CAMK1D: variants seen among roughly 807,000 people sequenced by gnomAD.
The protein encoded by CAMK1D is calcium/calmodulin dependent protein kinase ID, also known as calcium/calmodulin-dependent protein kinase type 1D.
A neutral mutation model predicts 47.7 loss-of-function variants in CAMK1D; 9 were observed. That is an observed-to-expected ratio of 0.19 (90% confidence interval 0.11 to 0.33). CAMK1D has a LOEUF of 0.33. Among genes scored for constraint, CAMK1D ranks in the 10% least tolerant of loss-of-function variants. The probability of loss-of-function intolerance (pLI) is 1.00; values close to 1 mark genes in which losing one functional copy is unlikely to be tolerated. For missense variants in CAMK1D, 291 were observed against 488.7 expected (o/e 0.60, Z 3.81); for synonymous variants, 184 against 184.9 (o/e 0.99, Z 0.04).
chr10:12,815,706 T>A (rs1487582258), intron 7 of CAMK1D, among the ~76,000 whole-genome samples: 1 of 152,232 alleles, frequency 6.6e-6, no homozygotes, highest in Admixed American at 6.5e-5. Context: ...ACTCCCCCAC[T>A]TCCCCCAGCA....
intron 1 of CAMK1D, among the ~76,000 whole-genome samples, chr10:12,459,059 A>C (rs1449235474): frequency 6.6e-6 from 1 of 151,750 alleles, no homozygotes; most frequent in Non-Finnish European, 1.5e-5. Flanking sequence ...TTGTATTTTT[A>C]GTAGAGACGG....
intron 3 of CAMK1D, among the ~76,000 whole-genome samples, chr10:12,679,856 T>C (rs1387421874): frequency 6.6e-6 from 1 of 152,128 alleles, no homozygotes; most frequent in African/African-American, 2.4e-5. Context: ...TTCTCCATCA[T>C]CCTCTCCTCA....
intron 1 of CAMK1D, among the ~76,000 whole-genome samples, chr10:12,425,344 C>T (rs1184852955): frequency 6.7e-6 from 1 of 149,728 alleles, no homozygotes; most frequent in Non-Finnish European, 1.5e-5. Context: ...TGCAATGGTG[C>T]AGTCTCGGCT....
intron 2 of CAMK1D, among the ~76,000 whole-genome samples, chr10:12,569,677 C>A (rs1259755732): frequency 7.4e-6 from 1 of 134,730 alleles, no homozygotes; most frequent in Non-Finnish European, 1.5e-5. Context: ...CGAGATCGTG[C>A]CACTGCACTC....
chr10:12,723,980 A>G lies in CAMK1D; in HGVS notation c.300-36968A>G, dbSNP rs548019463. On this transcript the variant is annotated intron_variant, in intron 3 of 10. Transcript: ENST00000619168. ...TGTGTCCAGATGTTCTCATTGTTCA[A>G]TTCCCACCTATGAGTGAGAACATGC... Among the ~76,000 whole-genome samples the G allele has an allele frequency of 1.0e-3, 156 of 152,178 alleles. 1 individual carries two copies. The highest frequency in any genetic ancestry group is 3.6e-3 in the African/African-American group (149 of 41,504).
At chr10:12,402,900 T>C (rs1432644085) in intron 1 of CAMK1D, among the ~76,000 whole-genome samples, 6 of 152,074 alleles carry the variant, frequency 3.9e-5, no homozygotes, top group African/African-American at 1.4e-4. Flanking sequence ...GAGTTCCAGA[T>C]GCGCAGAATT....
At chr10:12,657,987 T>TA (rs1292109165) in intron 2 of CAMK1D, among the ~76,000 whole-genome samples, 1 of 152,056 alleles carries the variant, frequency 6.6e-6, no homozygotes, top group East Asian at 1.9e-4. Flanking sequence ...CTGTCTCTAC[T>TA]AAAAATACAA....
intron 10 of CAMK1D, among the ~76,000 whole-genome samples, chr10:12,828,350 G>A (rs1168414745): frequency 7.3e-6 from 1 of 137,386 alleles, no homozygotes; most frequent in Non-Finnish European, 1.6e-5. Context: ...AAAAATTTGG[G>A]TCCCCGCAAG....
intron 6 of CAMK1D, among the ~76,000 whole-genome samples, chr10:12,797,095 AT>A (rs1838226988): frequency 6.6e-6 from 1 of 152,130 alleles, no homozygotes; most frequent in Non-Finnish European, 1.5e-5. Flanking sequence ...CCTTAGATAT[AT>A]TCACGAAGCC....
At chr10:12,758,712 G>A (rs1478012863) in intron 3 of CAMK1D, among the ~76,000 whole-genome samples, 2 of 152,210 alleles carry the variant, frequency 1.3e-5, no homozygotes, top group Non-Finnish European at 2.9e-5. Context: ...AGAATGGGAA[G>A]CAGGACAGGT....
chr10:12,767,808 A>T (rs969657043), intron 4 of CAMK1D, among the ~76,000 whole-genome samples: 16 of 152,226 alleles, frequency 1.1e-4, no homozygotes, highest in African/African-American at 3.9e-4. Context: ...TGAAACAATA[A>T]GGCAGAGGAA....
intron 1 of CAMK1D, among the ~76,000 whole-genome samples, chr10:12,393,177 G>A (rs1283780522): frequency 6.6e-6 from 1 of 151,914 alleles, no homozygotes; most frequent in Non-Finnish European, 1.5e-5. Context: ...GACTACAGGC[G>A]CCCACCACCA....
intron 3 of CAMK1D, among the ~76,000 whole-genome samples, chr10:12,728,341 C>T (rs534261318): frequency 3.4e-4 from 52 of 152,314 alleles, no homozygotes; most frequent in African/African-American, 1.2e-3. Flanking sequence ...TTCTTGGCTG[C>T]GTGGACAGAT....
chr10:12,826,932 C>A (rs1170820138), intron 10 of CAMK1D, among the ~76,000 whole-genome samples: 2 of 152,226 alleles, frequency 1.3e-5, no homozygotes, highest in Non-Finnish European at 2.9e-5. Context: ...TGTCTGAGCA[C>A]ACAGACTCCC....
At chr10:12,816,456 G>GC in intron 8 of CAMK1D, 128 bp downstream of exon 8, 1 of 747,338 alleles carries the variant, frequency 1.3e-6, no homozygotes. Flanking sequence ...TCTCATTCTG[G>GC]CCAGTGACTT....
chr10:12,577,064 T>A (rs1472510104), intron 2 of CAMK1D, among the ~76,000 whole-genome samples: 1 of 152,186 alleles, frequency 6.6e-6, no homozygotes, highest in African/African-American at 2.4e-5. Flanking sequence ...TGGGATGCCT[T>A]TGTTAATATG....
At position 12,636,843 on chromosome 10, in the gene CAMK1D, T is replaced by C. The variant is rs866629861; in HGVS notation, c.225-29893T>C. Among the ~76,000 whole-genome samples, 2 of 152,362 alleles carry C rather than the reference T, an allele frequency of 1.3e-5. 1 individual carries two copies. Among genetic ancestry groups the C allele is most frequent in the Middle Eastern group, 6.8e-3 (2 of 294 alleles). ...CTGTTTTCAGCACAGAACAGAATACTGTTCACATTTTCTCTGAATATTGGA... is the reference window on the plus strand; with the variant it reads ...CTGTTTTCAGCACAGAACAGAATACCGTTCACATTTTCTCTGAATATTGGA... On this transcript the variant is annotated intron_variant, in intron 2 of 10. Transcript: ENST00000619168.
intron 1 of CAMK1D, among the ~76,000 whole-genome samples, chr10:12,532,282 T>G (rs1328013566): frequency 1.3e-5 from 2 of 150,748 alleles, no homozygotes; most frequent in Non-Finnish European, 2.9e-5. Flanking sequence ...CTTTTTATTT[T>G]CTTTTTTTTT....
At chr10:12,714,194 T>G (rs1431985093) in intron 3 of CAMK1D, among the ~76,000 whole-genome samples, 1 of 152,092 alleles carries the variant, frequency 6.6e-6, no homozygotes, top group East Asian at 1.9e-4. Flanking sequence ...ATGGTCACCC[T>G]GCTGACCGAC....
Sources: allele counts gnomAD v4.1 joint callset (sites outside exome capture counted in the v4.1 genomes callset), GRCh38; gene constraint gnomAD v4.1.1; transcripts MANE v1.5; gene names NCBI Gene and HGNC (gene_info 2026-07-23, HGNC 2026-07-21).